The following TANC1 variants were observed in gnomAD, a reference collection of about 807,000 sequenced individuals.
The protein encoded by TANC1 is protein TANC1.
In TANC1, 77 loss-of-function variants were observed where a neutral mutation model predicts 149.7. The ratio of observed to expected loss-of-function variants is 0.51; its 90% CI spans 0.43 to 0.62. The LOEUF is 0.62. TANC1 is among the 20% of genes least tolerant of loss of function. The pLI is 0.00. For missense variants in TANC1, 1,985 were observed against 2,321.8 expected, an observed-to-expected ratio of 0.85 and a Z score of 2.98; for synonymous variants, 854 against 925.0, an observed-to-expected ratio of 0.92 and a Z score of 1.39.
At chr2:159,033,965 A>C (rs932253814) in intron 2 of TANC1, among the ~76,000 whole-genome samples, 4 of 152,230 alleles carry the variant, frequency 2.6e-5, no homozygotes, top group African/African-American at 9.6e-5. Flanking sequence ...AAACAAAAAC[A>C]AAAACCCTAT....
intron 19 of TANC1, among the ~76,000 whole-genome samples, chr2:159,202,557 G>A (rs1438416877): frequency 6.6e-6 from 1 of 152,084 alleles, no homozygotes; most frequent in East Asian, 1.9e-4. Flanking sequence ...CGTTCCAGTA[G>A]CTCTCAAGCT....
At chr2:159,082,675 G>A (rs2044402519) in intron 3 of TANC1, among the ~76,000 whole-genome samples, 1 of 152,170 alleles carries the variant, frequency 6.6e-6, no homozygotes, top group African/African-American at 2.4e-5. Context: ...AACAGGCTTG[G>A]GGTATATGTG....
At chr2:158,995,892 C>G (rs955650075) in intron 1 of TANC1, among the ~76,000 whole-genome samples, 6 of 152,236 alleles carry the variant, frequency 3.9e-5, no homozygotes, top group Non-Finnish European at 8.8e-5. Context: ...CTGTGCATCT[C>G]TGGCCTGGCT....
In TANC1 at chr2:159,047,520, T is replaced by C. The variant is rs187817210; in HGVS notation, c.-15-18376T>C. 7.2e-5 allele frequency among the ~76,000 whole-genome samples: 11 copies of C among 152,182 alleles called. No homozygotes were observed. The East Asian group carries it at 2.1e-3, about 29-fold the overall frequency. ...CTGCCTCTGATTCTATTCAAAGCCATCCCTCTGCTCACTGAGATAAATGCA... is the reference window on the plus strand; with the variant it reads ...CTGCCTCTGATTCTATTCAAAGCCACCCCTCTGCTCACTGAGATAAATGCA... On this transcript the variant is annotated intron_variant, in intron 2 of 26. Coordinates refer to ENST00000263635, the MANE Select transcript of TANC1 (RefSeq NM_033394.3).
chr2:159,205,135 A>G (rs1250090583), intron 19 of TANC1, among the ~76,000 whole-genome samples: 2 of 152,088 alleles, frequency 1.3e-5, no homozygotes, highest in African/African-American at 4.8e-5. Flanking sequence ...TGACACTTTG[A>G]TGATTTTCGT....
intron 16 of TANC1, among the ~76,000 whole-genome samples, chr2:159,188,023 C>T (rs185800982): frequency 2.6e-5 from 4 of 152,062 alleles, no homozygotes; most frequent in African/African-American, 9.7e-5. Flanking sequence ...TGCTCTTTAA[C>T]GTATGTGCGA....
chr2:159,199,869 AT>A (rs1327057208), intron 19 of TANC1, among the ~76,000 whole-genome samples: 3 of 152,206 alleles, frequency 2.0e-5, no homozygotes, highest in African/African-American at 4.8e-5. Context: ...TGAAGAGCTT[AT>A]TAGATAGCTC....
intron 2 of TANC1, among the ~76,000 whole-genome samples, chr2:159,046,427 A>G (rs2041045067): frequency 6.6e-6 from 1 of 152,098 alleles, no homozygotes; most frequent in Admixed American, 6.5e-5. Flanking sequence ...GCCTCAATAG[A>G]AACTGCCCTT....
chr2:159,028,620 T>A (rs1165864340), intron 2 of TANC1, among the ~76,000 whole-genome samples: 1 of 152,210 alleles, frequency 6.6e-6, no homozygotes, highest in African/African-American at 2.4e-5. Context: ...ATAAACACAA[T>A]GTTATACAGC....
intron 1 of TANC1, among the ~76,000 whole-genome samples, chr2:158,984,750 T>G (rs1212145111): frequency 1.3e-5 from 2 of 151,878 alleles, no homozygotes; most frequent in Non-Finnish European, 2.9e-5. Flanking sequence ...TGAAGGTGAC[T>G]TTGCCAGGTG....
chr2:159,006,823 G>A (rs1005506386), intron 2 of TANC1, among the ~76,000 whole-genome samples: 22 of 152,116 alleles, frequency 1.4e-4, no homozygotes, highest in African/African-American at 5.1e-4. Context: ...AGAGTAAACC[G>A]AAAAGCTATC....
chr2:158,976,540 G>A (rs78477514), intron 1 of TANC1, among the ~76,000 whole-genome samples: 8,040 of 152,270 alleles, frequency 0.053, 676 homozygotes, highest in African/African-American at 0.18. Flanking sequence ...GTTCTTATGA[G>A]TTTAGAACAT....
At chr2:159,149,731 A>G (rs1389049017) in intron 6 of TANC1, 2 of 195,486 alleles carry the variant, frequency 1.0e-5, no homozygotes, top group Admixed American at 5.4e-5. Flanking sequence ...TGGTCCATCT[A>G]TCAGGAAAGC....
Position 159,184,801 on chromosome 2 carries a change from T to A in TANC1, c.2511-990T>A, listed in dbSNP as rs79146024. ...AAAACTTCAGGCCATTACAAGACAA[T>A]GGACGAGACTCAGTGGGCAGTGTGG... On this transcript the variant is annotated intron_variant, in intron 14 of 26. Coordinates refer to ENST00000263635, the MANE Select transcript of TANC1 (RefSeq NM_033394.3). 1.7e-3 allele frequency among the ~76,000 whole-genome samples: 254 copies of A among 152,246 alleles called. 5 individuals are homozygous for A. The East Asian group carries it at 0.047, about 28-fold the overall frequency.
At chr2:159,228,060 C>T in intron 25 of TANC1, 95 bp downstream of exon 25, 1 of 1,373,322 alleles carries the variant, frequency 7.3e-7, no homozygotes. Context: ...GATCCTGGGC[C>T]CTCCTGTCCA....
chr2:159,222,338 C>G (rs769273242), intron 22 of TANC1, among the ~76,000 whole-genome samples: 2 of 152,146 alleles, frequency 1.3e-5, no homozygotes, highest in Non-Finnish European at 2.9e-5. Flanking sequence ...TGTTGTACAA[C>G]CAGTATCCAG....
chr2:159,178,746 T>C lies in TANC1; in HGVS notation c.2093T>C (p.Leu698Pro). 6.2e-7 allele frequency: 1 copy of C among 1,614,172 alleles called. No individual in the cohort carries two copies. Among genetic ancestry groups the C allele is most frequent in the Non-Finnish European group, 8.5e-7 (1 of 1,180,024 alleles). ...GGAAAAGTGAGCAGCCACCTGGTGCTGCGGAGCCTCGGCTCCTACCTGTAC... is the reference window on the plus strand; with the variant it reads ...GGAAAAGTGAGCAGCCACCTGGTGCCGCGGAGCCTCGGCTCCTACCTGTAC... ...LIGKVSSHLV[L>P]RSLGSYLYLK... Residue 698 changes from leucine to proline, a missense_variant, in exon 14 of 27, where the codon CTG becomes CCG. Leu to Pro is a moderately conservative substitution (Grantham distance 98, BLOSUM62 -3). Coordinates refer to ENST00000263635, the MANE Select transcript of TANC1 (RefSeq NM_033394.3).
chr2:159,096,669 G>C (rs2046173389), intron 3 of TANC1, among the ~76,000 whole-genome samples: 1 of 152,140 alleles, frequency 6.6e-6, no homozygotes, highest in Non-Finnish European at 1.5e-5. Flanking sequence ...TTTTAAAGAG[G>C]GCAGGGGCAT....
intron 19 of TANC1, among the ~76,000 whole-genome samples, chr2:159,202,252 G>A (rs2058300565): frequency 6.6e-6 from 1 of 152,206 alleles, no homozygotes; most frequent in African/African-American, 2.4e-5. Flanking sequence ...TGGTGACCCT[G>A]AGTCAATGAA....
Sources: gnomAD v4.1 joint callset for allele counts (sites outside exome capture counted in the v4.1 genomes callset) on GRCh38, gnomAD v4.1.1 for gene constraint, MANE v1.5 for transcripts, NCBI Gene and HGNC (gene_info 2026-07-23, HGNC 2026-07-21) for gene names.